SYN2: variants seen among roughly 807,000 people sequenced by gnomAD.
SYN2 encodes the protein synapsin-2.
Under a neutral mutation model 50.9 loss-of-function variants are expected in SYN2, and 19 were observed. The observed-to-expected ratio is 0.37, with a 90% confidence interval of 0.26 to 0.55. The LOEUF (loss-of-function observed/expected upper bound fraction) is 0.55. Ranked by LOEUF, SYN2 falls within the 20% of genes least tolerant of loss-of-function variation. SYN2 has a pLI of 0.81. For missense variants in SYN2, 587 were observed against 576.4 expected, an observed-to-expected ratio of 1.02 and a Z score of -0.19; for synonymous variants, 255 against 224.9, an observed-to-expected ratio of 1.13 and a Z score of -1.20.
intron 8 of SYN2, among the ~76,000 whole-genome samples, chr3:12,167,765 AAGAC>A (rs1420822939): frequency 6.6e-6 from 1 of 152,216 alleles, no homozygotes; most frequent in Non-Finnish European, 1.5e-5. Context: ...GGCTCAGAAG[AAGAC>A]AGGAAGCCAA....
At chr3:12,160,862 C>T (rs906050544) in intron 5 of SYN2, among the ~76,000 whole-genome samples, 1 of 152,190 alleles carries the variant, frequency 6.6e-6, no homozygotes, top group Admixed American at 6.5e-5. Flanking sequence ...TTTTGTTGCT[C>T]CTCTGTTAAA....
chr3:12,018,389 CTT>C (rs1283139735), intron 1 of SYN2, among the ~76,000 whole-genome samples: 1 of 152,122 alleles, frequency 6.6e-6, no homozygotes, highest in Non-Finnish European at 1.5e-5. Flanking sequence ...AGCAGCGTGA[CTT>C]TGGATCCTGT....
chr3:12,053,929 G>A (rs1193595906), intron 1 of SYN2, among the ~76,000 whole-genome samples: 1 of 151,964 alleles, frequency 6.6e-6, no homozygotes, highest in East Asian at 1.9e-4. Context: ...CTGTGACTTG[G>A]TCCATGTTCC....
At chr3:12,033,512 C>A (rs1032118821) in intron 1 of SYN2, among the ~76,000 whole-genome samples, 11 of 151,918 alleles carry the variant, frequency 7.2e-5, no homozygotes, top group African/African-American at 2.7e-4. Flanking sequence ...TCTCTTTTTT[C>A]CCAAATTGAG....
intron 1 of SYN2, chr3:12,070,454 T>C: frequency 1.7e-6 from 1 of 574,778 alleles, no homozygotes; most frequent in Non-Finnish European, 3.4e-6. Context: ...CCATTGAGCG[T>C]GGCATCGTCA....
intron 1 of SYN2, among the ~76,000 whole-genome samples, chr3:12,045,990 C>G (rs1020546022): frequency 2.6e-5 from 4 of 152,150 alleles, no homozygotes; most frequent in African/African-American, 9.7e-5. Context: ...TTTATTCATT[C>G]TCAAAGGAAC....
intron 4 of SYN2, among the ~76,000 whole-genome samples, chr3:12,150,729 C>G (rs922733613): frequency 6.6e-6 from 1 of 152,174 alleles, no homozygotes; most frequent in African/African-American, 2.4e-5. Flanking sequence ...TTTTATGATG[C>G]CTCCTGCTCA....
chr3:12,025,868 T>A lies in SYN2; in HGVS notation c.377+20940T>A, dbSNP rs1186575105. 4.6e-5 allele frequency among the ~76,000 whole-genome samples: 7 copies of A among 152,272 alleles called. No homozygotes were observed. The South Asian group carries it at 1.2e-3, about 27-fold the overall frequency. ...TCAAGGTAGATATTATACTGACACA[T>A]CCTCTCCTCCAGCTGGCAAGCTCAC... On this transcript the variant is annotated intron_variant, in intron 1 of 12. Coordinates refer to ENST00000621198, the MANE Select transcript of SYN2 (RefSeq NM_133625.6).
At chr3:12,188,332 T>G (rs1022364931) in intron 12 of SYN2, among the ~76,000 whole-genome samples, 7 of 152,232 alleles carry the variant, frequency 4.6e-5, no homozygotes, top group Non-Finnish European at 1.0e-4. Context: ...CACCTGGATG[T>G]GGACGATGGT....
rs1697553102 is a variant in SYN2 at position 12,158,945 on chromosome 3, G to A, written c.775-2601G>A. ...TGCCCCTCGCCCCAGGCTTTATGAG[G>A]TGGCCCTAAGGGCCAATCCCGCCCC... is the stretch of plus-strand genomic sequence containing the variant. On this transcript the variant is annotated intron_variant, in intron 5 of 12. Coordinates refer to ENST00000621198, the MANE Select transcript of SYN2 (RefSeq NM_133625.6). 6.4e-6 allele frequency: 9 copies of A among 1,408,392 alleles called. No homozygotes were observed. In the East Asian group the frequency reaches 2.4e-4, roughly 38 times the overall value. 87.2% of individuals were successfully genotyped at this position (1,408,392 alleles called of 1,614,324 possible).
intron 1 of SYN2, among the ~76,000 whole-genome samples, chr3:12,124,947 TA>T (rs1160662300): frequency 2.6e-4 from 40 of 152,232 alleles, no homozygotes; most frequent in Admixed American, 2.6e-4. Flanking sequence ...AAGTATGTTA[TA>T]TTCTTTAAAT....
chr3:12,050,711 C>CTTTTTTTTTTTTTTTTTTTTTTTT, intron 1 of SYN2, among the ~76,000 whole-genome samples: 1 of 50,576 alleles, frequency 2.0e-5, no homozygotes, highest in Non-Finnish European at 4.6e-5. Flanking sequence ...CTTCTCTTCT[C>CTTTTTTTTTTTTTTTTTTTTTTTT]TTTTTTTTTT....
intron 1 of SYN2, among the ~76,000 whole-genome samples, chr3:12,033,797 T>G (rs1694434079): frequency 6.6e-6 from 1 of 152,250 alleles, no homozygotes; most frequent in Non-Finnish European, 1.5e-5. Flanking sequence ...TTTTTTCATC[T>G]TAGCATAATG....
chr3:12,115,028 T>G (rs941306229), intron 1 of SYN2, among the ~76,000 whole-genome samples: 1 of 152,234 alleles, frequency 6.6e-6, no homozygotes, highest in African/African-American at 2.4e-5. Flanking sequence ...TTCTGTTAGA[T>G]AAATGCCTTA....
chr3:12,020,324 C>A (rs1212042492), intron 1 of SYN2, among the ~76,000 whole-genome samples: 3 of 145,776 alleles, frequency 2.1e-5, no homozygotes, highest in Admixed American at 1.4e-4. Flanking sequence ...CTCTTCCCCC[C>A]CACCCTGGCC....
At chr3:12,185,380 C>G (rs2124837859) in intron 11 of SYN2, 1 of 985,704 alleles carries the variant, frequency 1.0e-6, no homozygotes, top group East Asian at 1.1e-4. Flanking sequence ...TGCAAAGTTG[C>G]CATTTGAATT....
At chr3:12,162,969 G>A (rs550130755) in intron 7 of SYN2, among the ~76,000 whole-genome samples, 3 of 152,218 alleles carry the variant, frequency 2.0e-5, no homozygotes, top group East Asian at 1.9e-4. Context: ...GGCCAGGCGC[G>A]GTGGCTCATG....
intron 12 of SYN2, among the ~76,000 whole-genome samples, chr3:12,187,816 C>T (rs894123680): frequency 1.3e-5 from 2 of 151,752 alleles, no homozygotes; most frequent in Admixed American, 6.6e-5. Flanking sequence ...GGTTAGGGTT[C>T]ACTGGAGAAG....
intron 12 of SYN2, 45 bp downstream of exon 12, chr3:12,187,657 T>A: frequency 1.3e-6 from 2 of 1,495,998 alleles, no homozygotes; most frequent in Non-Finnish European, 1.8e-6. Context: ...CTCCTACCCT[T>A]CCTGTGGGCC....
Sources: allele counts gnomAD v4.1 joint callset (sites outside exome capture counted in the v4.1 genomes callset), GRCh38; gene constraint gnomAD v4.1.1; transcripts MANE v1.5; gene names NCBI Gene and HGNC (gene_info 2026-07-23, HGNC 2026-07-21).